Variants in RASA3 observed in about 807,000 individuals in gnomAD.
RASA3 encodes RAS p21 protein activator 3.
RASA3 carries 73 observed loss-of-function variants against 110.0 expected under a neutral mutation model. The ratio of observed to expected loss-of-function variants is 0.66; its 90% CI spans 0.55 to 0.81. The LOEUF (loss-of-function observed/expected upper bound fraction) is 0.81. Ranked by LOEUF, RASA3 falls within the 30% of genes least tolerant of loss-of-function variation. The probability of loss-of-function intolerance (pLI) is 0.00; values close to 1 mark genes in which losing one functional copy is unlikely to be tolerated. For synonymous variants in RASA3, 500 were observed against 451.4 expected, an observed-to-expected ratio of 1.11 and a Z score of -1.37; for missense variants, 976 against 1,113.2, an observed-to-expected ratio of 0.88 and a Z score of 1.75.
intron 23 of RASA3, 25 bp from the exon 24 acceptor site, chr13:113,979,447 A>G: frequency 1.9e-6 from 3 of 1,548,432 alleles, no homozygotes; most frequent in African/African-American, 1.4e-5. Flanking sequence ...GGGAGAGGGA[A>G]TGAGGCACAG....
chr13:114,051,261 C>T (rs1466541446), intron 3 of RASA3, among the ~76,000 whole-genome samples: 5 of 152,220 alleles, frequency 3.3e-5, no homozygotes, highest in Non-Finnish European at 7.4e-5. Context: ...GCAGCCAGTA[C>T]ACACTGGCTC....
rs1485124723 is a variant in RASA3, at chr13:114,017,351, C to T, written c.1092G>A (p.Gln364=). 1 of 1,612,838 alleles carries T rather than the reference C, an allele frequency of 6.2e-7. No homozygotes were observed. The highest frequency in any genetic ancestry group is 2.2e-5 in the East Asian group (1 of 44,886). ...TTCCTCGGAAGATGGTGTTGGGGTCCCTGGGAAATGGCGATGGGGACAGCG... is the reference window on the plus strand; with the variant it reads ...TTCCTCGGAAGATGGTGTTGGGGTCTCTGGGAAATGGCGATGGGGACAGCG... ...AIASAEVKRT[Q]DPNTIFRGNS... Residue 364 remains glutamine (Q), a splice_region_variant and synonymous_variant, in exon 12 of 24, where the codon CAG becomes CAA. Transcript: ENST00000334062.
intron 7 of RASA3, among the ~76,000 whole-genome samples, chr13:114,025,391 G>C (rs924773627): frequency 6.6e-6 from 1 of 152,106 alleles, no homozygotes; most frequent in East Asian, 1.9e-4. Flanking sequence ...ACAAAACTCA[G>C]GTCAGGCAAT....
Position 114,114,905 on chromosome 13 carries a change from C to T in RASA3, c.55+17530G>A, listed in dbSNP as rs2080258111. On this transcript the variant is annotated intron_variant, in intron 1 of 23. Coordinates refer to ENST00000334062, the MANE Select transcript of RASA3 (RefSeq NM_007368.4). This position sits in a 1 kb window ranked among gnomAD's most constrained non-coding sequence, Gnocchi z 4.8. ...TGCTAAGCTGGTAAGCTGGGAAATT[C>T]CCGGGCACGACCCCTGGCCGTGGGT... Among the ~76,000 whole-genome samples the T allele has an allele frequency of 6.6e-6, 1 of 152,190 alleles. No homozygotes were observed. Among genetic ancestry groups the T allele is most frequent in the Non-Finnish European group, 1.5e-5 (1 of 68,026 alleles).
intron 20 of RASA3, among the ~76,000 whole-genome samples, chr13:113,997,875 C>T (rs1429534215): frequency 6.6e-6 from 1 of 152,158 alleles, no homozygotes; most frequent in African/African-American, 2.4e-5. Context: ...AGGCCAGGAG[C>T]CTCCCGCCTT....
chr13:113,998,670 T>C (rs953536268), intron 20 of RASA3, among the ~76,000 whole-genome samples: 13 of 152,168 alleles, frequency 8.5e-5, no homozygotes, highest in African/African-American at 3.1e-4. Context: ...CTCTAGGGGA[T>C]TCCCGCCAGA....
chr13:114,039,531 A>G (rs936548464), intron 4 of RASA3, among the ~76,000 whole-genome samples: 1 of 152,166 alleles, frequency 6.6e-6, no homozygotes, highest in African/African-American at 2.4e-5. Context: ...CTGTGGTCCC[A>G]GCTGAGGACC....
At chr13:114,004,445 GC>G (rs1173079372) in intron 18 of RASA3, among the ~76,000 whole-genome samples, 10 of 151,962 alleles carry the variant, frequency 6.6e-5, no homozygotes, top group African/African-American at 2.4e-4. Flanking sequence ...AAGACAAATG[GC>G]CAACAAGCAT....
intron 23 of RASA3, among the ~76,000 whole-genome samples, chr13:113,980,125 CTCTG>C (rs1172642908): frequency 9.8e-5 from 14 of 143,388 alleles, no homozygotes; most frequent in East Asian, 6.5e-4. Context: ...TGTGCACCTC[CTCTG>C]TGTGTACCTC....
chr13:114,001,408 G>A (rs576124653), intron 18 of RASA3, among the ~76,000 whole-genome samples: 17 of 143,678 alleles, frequency 1.2e-4, no homozygotes, highest in Non-Finnish European at 2.0e-4. Context: ...GGCAGTGGAC[G>A]CTCACACACA....
At chr13:114,061,764 A>G (rs1171846606) in intron 2 of RASA3, among the ~76,000 whole-genome samples, 3 of 152,108 alleles carry the variant, frequency 2.0e-5, no homozygotes, top group Non-Finnish European at 4.4e-5. Flanking sequence ...CCTTAAGCGA[A>G]CTGCTCATTA....
At chr13:114,015,461 G>A (rs2053769325) in intron 13 of RASA3, 129 bp from the exon 14 acceptor site, 1 of 1,160,006 alleles carries the variant, frequency 8.6e-7, no homozygotes, top group Non-Finnish European at 1.2e-6. Flanking sequence ...GCGGCAGTGA[G>A]ACACGTGTGA....
intron 1 of RASA3, among the ~76,000 whole-genome samples, chr13:114,130,222 T>TG (rs1292237549): frequency 1.3e-5 from 2 of 152,124 alleles, no homozygotes; most frequent in Non-Finnish European, 2.9e-5. Flanking sequence ...CCCAGCTACT[T>TG]GGGGCACAGA....
chr13:114,102,533 C>T (rs1293130270), intron 1 of RASA3, among the ~76,000 whole-genome samples: 2 of 152,162 alleles, frequency 1.3e-5, no homozygotes, highest in Non-Finnish European at 2.9e-5. Flanking sequence ...CTGTCTCTGA[C>T]GTTTTGTGCC....
chr13:114,047,017 T>C (rs977062047), intron 3 of RASA3, among the ~76,000 whole-genome samples: 13 of 152,190 alleles, frequency 8.5e-5, no homozygotes, highest in African/African-American at 3.1e-4. Flanking sequence ...TAGGCAAGAC[T>C]TTCTTAGACA....
rs1409243716 is a variant in RASA3 at position 114,048,087 on chromosome 13, G to A, written c.277+3965C>T. Among the ~76,000 whole-genome samples the A allele has an allele frequency of 6.6e-6, 1 of 152,110 alleles. No individual in the cohort carries two copies. The highest frequency in any genetic ancestry group is 2.4e-5 in the African/African-American group (1 of 41,432). ...TCCCAGCACTTTGGGAGGCCGAGGT[G>A]GGCGGATCACGAGGTCAGGAGATAG... On this transcript the variant is annotated intron_variant, in intron 3 of 23. Coordinates refer to ENST00000334062, the MANE Select transcript of RASA3 (RefSeq NM_007368.4). The surrounding 1 kb of genome is among the most constrained non-coding windows in gnomAD (Gnocchi z 4.3).
intron 3 of RASA3, among the ~76,000 whole-genome samples, chr13:114,043,247 G>A (rs1224507840): frequency 2.6e-5 from 4 of 152,168 alleles, no homozygotes; most frequent in Non-Finnish European, 4.4e-5. Context: ...TGGGAGGTGC[G>A]GAAGGTGGAA....
At chr13:114,004,438 A>C (rs1207169727) in intron 18 of RASA3, among the ~76,000 whole-genome samples, 1 of 152,006 alleles carries the variant, frequency 6.6e-6, no homozygotes, top group African/African-American at 2.4e-5. Flanking sequence ...TTTTCAGAAG[A>C]CAAATGGCCA....
chr13:114,019,323 C>T (rs1433662645), intron 9 of RASA3, among the ~76,000 whole-genome samples: 3 of 152,244 alleles, frequency 2.0e-5, no homozygotes, highest in Non-Finnish European at 4.4e-5. Context: ...GGGTGGGGGC[C>T]TTGGGCTAGT....
Sources: gnomAD v4.1 joint callset for allele counts (sites outside exome capture counted in the v4.1 genomes callset) on GRCh38, gnomAD v4.1.1 for gene constraint, Gnocchi (gnomAD v3.1) non-coding constraint, MANE v1.5 for transcripts, NCBI Gene and HGNC (gene_info 2026-07-23, HGNC 2026-07-21) for gene names.